Variants in CYP1A1 observed in about 807,000 individuals in gnomAD.
CYP1A1 encodes cytochrome P450 1A1.
In CYP1A1, 43 loss-of-function variants were observed where a neutral mutation model predicts 33.6. The observed-to-expected ratio is 1.28, with a 90% confidence interval of 1.00 to 1.65. The LOEUF is 1.65. Ranked by LOEUF, CYP1A1 falls within the 40% of genes most tolerant of loss-of-function variation. The pLI, the probability that CYP1A1 is intolerant of heterozygous loss-of-function variation, is 0.00. For missense variants in CYP1A1, 637 were observed against 653.7 expected (o/e 0.97, Z 0.28); for synonymous variants, 280 against 257.8 (o/e 1.09, Z -0.83).
chr15:74,722,080 A>G (rs2063174710), intron 2 of CYP1A1, 193 bp downstream of exon 2: 1 of 610,190 alleles, frequency 1.6e-6, no homozygotes, highest in Non-Finnish European at 2.9e-6. Context: ...CTGTGGAAGC[A>G]TGGAAGGGTT....
At chr15:74,720,900 T>C (rs747454119) in intron 6 of CYP1A1, 67 bp downstream of exon 6, 300 of 1,573,168 alleles carry the variant, frequency 1.9e-4, no homozygotes, top group Middle Eastern at 1.4e-3. Context: ...AATGCAATGA[T>C]TGTATTAATC....
In CYP1A1 at chr15:74,720,455, T is replaced by C; in HGVS notation, c.*34A>G. 3.3e-6 allele frequency: 5 copies of C among 1,523,692 alleles called. No homozygotes were observed. The highest frequency in any genetic ancestry group is 3.5e-6 in the Non-Finnish European group (4 of 1,137,266). The allele number at this position is 1,523,692 out of a possible 1,614,324, so 94.4% of individuals were successfully genotyped here. A position where few individuals can be genotyped will look rare whatever the true frequency, so the allele number is the denominator to read the frequency against. Reference sequence around the variant, plus strand: ...GGTCTGGCTGCCCAACCAGACCAGGTAGACAGAGTCTAGGCCTCAGGGCTC... The same window carrying C: ...GGTCTGGCTGCCCAACCAGACCAGGCAGACAGAGTCTAGGCCTCAGGGCTC... On this transcript the variant is annotated 3_prime_UTR_variant, in exon 7 of 7. Transcript: ENST00000379727.
chr15:74,723,177 G>A (rs994989002), intron 1 of CYP1A1, 51 bp from the exon 2 acceptor site: 20 of 1,073,156 alleles, frequency 1.9e-5, no homozygotes, highest in Non-Finnish European at 2.6e-5. Flanking sequence ...ATTGGGGGAT[G>A]AGAAAAGCCA....
rs147033233 is a variant in CYP1A1, at chr15:74,720,654, G to A, written c.1374C>T (p.Ile458=). The A allele has an allele frequency of 9.4e-5, 151 of 1,614,168 alleles. No individual in the cohort carries two copies. In the African/African-American group the frequency reaches 1.4e-3, roughly 15 times the overall value. ...IIFGMGKRKC[I]GETIARWEVF... ...CCTCCCAGCGGGCAATGGTCTCACCGATACACTTCCGCTTGCCCATGCCAA... is the reference window on the plus strand; with the variant it reads ...CCTCCCAGCGGGCAATGGTCTCACCAATACACTTCCGCTTGCCCATGCCAA... Residue 458 remains isoleucine, a synonymous_variant, in exon 7 of 7, where the codon ATC becomes ATT. Transcript: ENST00000379727.
intron 1 of CYP1A1, among the ~76,000 whole-genome samples, chr15:74,724,592 G>T (rs979779704): frequency 6.6e-6 from 1 of 150,882 alleles, no homozygotes; most frequent in Non-Finnish European, 1.5e-5. Flanking sequence ...GGAGATGGAT[G>T]GTTCCTACCA....
chr15:74,720,556 G>A lies in CYP1A1; in HGVS notation c.1472C>T (p.Thr491Ile). 6.2e-7 allele frequency: 1 copy of A among 1,611,344 alleles called. No homozygotes were observed. The highest frequency in any genetic ancestry group is 8.5e-7 in the Non-Finnish European group (1 of 1,178,678). ...CTTCATGGTTAGCCCATAGATGGGGGTCATGTCCACCTTCACGCCCAGTGG... is the reference window on the plus strand; with the variant it reads ...CTTCATGGTTAGCCCATAGATGGGGATCATGTCCACCTTCACGCCCAGTGG... ...SVPLGVKVDM[T>I]PIYGLTMKHA... Residue 491 changes from threonine (T) to isoleucine (I), a missense_variant, in exon 7 of 7, where the codon ACC becomes ATC. Physicochemically the swap from Thr to Ile is moderately conservative, Grantham distance 89. Transcript: ENST00000379727.
intron 3 of CYP1A1, 43 bp downstream of exon 3, chr15:74,721,547 TC>T: frequency 1.2e-6 from 2 of 1,614,090 alleles, no homozygotes; most frequent in Non-Finnish European, 1.7e-6. Context: ...CAGCAGCAGG[TC>T]AGGGCACTTG....
chr15:74,720,530 G>T lies in CYP1A1; in HGVS notation c.1498C>A (p.His500Asn). ...MTPIYGLTMK[H>N]ACCEHFQMQL... The stretch of plus-strand genomic sequence containing the variant: ...ATTTGGAAGTGCTCACAGCAGGCAT[G>T]CTTCATGGTTAGCCCATAGATGGGG... The change falls in exon 7 of 7, where the codon CAT becomes AAT. Residue 500 changes from histidine (H) to asparagine (N), a missense_variant. By Grantham distance (68) the His-to-Asn change is moderately conservative. Coordinates refer to ENST00000379727, the MANE Select transcript of CYP1A1 (RefSeq NM_001319217.2). 6.3e-7 allele frequency: 1 copy of T among 1,599,754 alleles called. No individual in the cohort carries two copies. The highest frequency in any genetic ancestry group is 8.5e-7 in the Non-Finnish European group (1 of 1,172,994).
In CYP1A1 at chr15:74,722,386, G is replaced by A. The variant is rs61747605; in HGVS notation, c.712C>T (p.Pro238Ser). ...VGSGNPADFIPILRYLPNPSL... is the reference protein window; with the variant it reads ...VGSGNPADFISILRYLPNPSL... ...GGGTTGGGTAGGTAGCGAAGAATAG[G>A]GATGAAGTCAGCTGGGTTTCCAGAG... The change falls in exon 2 of 7, where the codon CCT (proline) becomes TCT (serine). Residue 238 changes from proline (P) to serine (S), a missense_variant. Physicochemically the swap from Pro to Ser is moderately conservative, Grantham distance 74 (BLOSUM62 -1). Coordinates refer to ENST00000379727, the MANE Select transcript of CYP1A1 (RefSeq NM_001319217.2). 9.5e-4 allele frequency: 1,536 copies of A among 1,614,040 alleles called. 9 individuals are homozygous for A. In the Middle Eastern group the frequency reaches 0.014, roughly 15 times the overall value.
At position 74,720,596 on chromosome 15, in the gene CYP1A1, C is replaced by A; in HGVS notation, c.1432G>T (p.Val478Leu). 2 of 1,613,948 alleles carry A rather than the reference C, an allele frequency of 1.2e-6. No homozygotes were observed. Among genetic ancestry groups the A allele is most frequent in the Non-Finnish European group, 1.7e-6 (2 of 1,179,940 alleles). The change falls in exon 7 of 7, where the codon GTG (valine) becomes TTG (leucine). Residue 478 changes from valine to leucine, a missense_variant. Coordinates refer to ENST00000379727, the MANE Select transcript of CYP1A1 (RefSeq NM_001319217.2). ...FLFLAILLQR[V>L]EFSVPLGVKV... ...ACGCCCAGTGGCACGCTGAATTCCA[C>A]CCGTTGCAGCAGGATAGCCAGGAAG...
At position 74,720,359 on chromosome 15, in the gene CYP1A1, T is replaced by C; in HGVS notation, c.*130A>G. On this transcript the variant is annotated 3_prime_UTR_variant, in exon 7 of 7. Transcript: ENST00000379727. Reference sequence around the variant, plus strand: ...CCCTTAGGCTTGCCCACAGCCCAGATAGCAAAACTGCAGCCAGATCAGTGT... The same window carrying C: ...CCCTTAGGCTTGCCCACAGCCCAGACAGCAAAACTGCAGCCAGATCAGTGT... 9.0e-7 allele frequency: 1 copy of C among 1,107,216 alleles called. No homozygotes were observed. Among genetic ancestry groups the C allele is most frequent in the Non-Finnish European group, 1.3e-6 (1 of 794,280 alleles). The allele number at this position is 1,107,216 out of a possible 1,614,324, so 68.6% of individuals were successfully genotyped here.
In CYP1A1 at chr15:74,721,455, A is replaced by G. The variant is rs767906777; in HGVS notation, c.1001T>C (p.Val334Ala). ...TAISWSLMYL[V>A]MNPRVQRKIQ... ...CTTTCTCTGTACCCTGGGGTTCATC[A>G]CCAAATACATGAGGCTCCAGGAGAT... Residue 334 changes from valine to alanine, a missense_variant, in exon 4 of 7, where the codon GTG becomes GCG. Coordinates refer to ENST00000379727, the MANE Select transcript of CYP1A1 (RefSeq NM_001319217.2). 1 of 1,614,108 alleles carries G rather than the reference A, an allele frequency of 6.2e-7. No individual in the cohort carries two copies. Among genetic ancestry groups the G allele is most frequent in the South Asian group, 1.1e-5 (1 of 91,076 alleles).
In CYP1A1 at chr15:74,721,155, G is replaced by A. The variant is rs760810942; in HGVS notation, c.1166+44C>T. ...TAACCCTAATCAGGTATGTGGTCCG[G>A]AGTAAGATCAGTAACAGACAGCAGT... On this transcript the variant is annotated intron_variant, in intron 5 of 6. Coordinates refer to ENST00000379727, the MANE Select transcript of CYP1A1 (RefSeq NM_001319217.2). 12 of 1,608,330 alleles carry A rather than the reference G, an allele frequency of 7.5e-6. No homozygotes were observed. The African/African-American group carries it at 1.2e-4, about 16-fold the overall frequency.
Position 74,722,753 on chromosome 15 carries a change from G to C in CYP1A1, c.345C>G (p.Ile115Met). 1 of 1,613,634 alleles carries C rather than the reference G, an allele frequency of 6.2e-7. No individual in the cohort carries two copies. Among genetic ancestry groups the C allele is most frequent in the South Asian group, 1.1e-5 (1 of 91,078 alleles). ...GRPDLYTFTL[I>M]SNGQSMSFSP... ...TGAAGGACATGCTCTGACCATTACT[G>C]ATGAGGGTGAAGGTGTAGAGGTCGG... Residue 115 changes from isoleucine to methionine, a missense_variant, in exon 2 of 7, where the codon ATC (isoleucine) becomes ATG (methionine). Transcript: ENST00000379727.
chr15:74,721,842 C>T, intron 2 of CYP1A1, 125 bp from the exon 3 acceptor site: 1 of 1,256,700 alleles, frequency 8.0e-7, no homozygotes, highest in African/African-American at 1.5e-5. Context: ...AGGCTGTTGT[C>T]CCAGCTTCTC....
Position 74,720,648 on chromosome 15 carries a change from C to T in CYP1A1, c.1380G>A (p.Glu460=). ...FGMGKRKCIG[E]TIARWEVFLF... is the part of the protein sequence containing the mutation. ...GAAAGACCTCCCAGCGGGCAATGGT[C>T]TCACCGATACACTTCCGCTTGCCCA... Residue 460 remains glutamate (E), a synonymous_variant, in exon 7 of 7, where the codon GAG becomes GAA. Transcript: ENST00000379727. 1 of 1,614,214 alleles carries T rather than the reference C, an allele frequency of 6.2e-7. No homozygotes were observed. Among genetic ancestry groups the T allele is most frequent in the South Asian group, 1.1e-5 (1 of 91,088 alleles).
rs2063172439 is a variant in CYP1A1 at position 74,721,741 on chromosome 15, T to C, written c.826-24A>G. On this transcript the variant is annotated intron_variant, in intron 2 of 6. Coordinates refer to ENST00000379727, the MANE Select transcript of CYP1A1 (RefSeq NM_001319217.2). ...CCCTTAGGTAGGGAAAGTCCACAGGTGAGCAAGATCTCAAACCCAGAGCTA... is the reference window on the plus strand; with the variant it reads ...CCCTTAGGTAGGGAAAGTCCACAGGCGAGCAAGATCTCAAACCCAGAGCTA... The C allele has an allele frequency of 3.1e-6, 5 of 1,611,146 alleles. No individual in the cohort carries two copies. In the East Asian group the frequency reaches 6.7e-5, roughly 22 times the overall value.
chr15:74,721,165 A>G, intron 5 of CYP1A1, 34 bp downstream of exon 5: 1 of 1,608,734 alleles, frequency 6.2e-7, no homozygotes, highest in Non-Finnish European at 8.5e-7. Flanking sequence ...GAGTAAGATC[A>G]GTAACAGACA....
chr15:74,724,169 A>G (rs1424206274), intron 1 of CYP1A1, among the ~76,000 whole-genome samples: 1 of 152,144 alleles, frequency 6.6e-6, no homozygotes, highest in Non-Finnish European at 1.5e-5. Context: ...GCAGGTTACC[A>G]GAGAGCAGAG....
Sources: allele counts gnomAD v4.1 joint callset (sites outside exome capture counted in the v4.1 genomes callset), GRCh38; gene constraint gnomAD v4.1.1; transcripts MANE v1.5; gene names NCBI Gene and HGNC (gene_info 2026-07-23, HGNC 2026-07-21).